The following C1orf87 variants were observed in gnomAD, a reference collection of about 807,000 sequenced individuals.
C1orf87 encodes the protein chromosome 1 open reading frame 87, also known as uncharacterized protein C1orf87.
Under a neutral mutation model 60.5 loss-of-function variants are expected in C1orf87, and 58 were observed. That is an observed-to-expected ratio of 0.96 (90% CI 0.78 to 1.19). C1orf87 has a LOEUF of 1.19. C1orf87 is among the 50% of genes most tolerant of loss of function. The probability of loss-of-function intolerance (pLI) is 0.00; values close to 1 mark genes in which losing one functional copy is unlikely to be tolerated. For synonymous variants in C1orf87, 236 were observed against 227.4 expected, an observed-to-expected ratio of 1.04 and a Z score of -0.34; for missense variants, 673 against 638.6, an observed-to-expected ratio of 1.05 and a Z score of -0.58.
At chr1:60,028,141 A>G (rs1439892810) in intron 7 of C1orf87, among the ~76,000 whole-genome samples, 1 of 152,210 alleles carries the variant, frequency 6.6e-6, no homozygotes, top group African/African-American at 2.4e-5. Context: ...ATAAAGTTCA[A>G]GAGTCAGAGA....
chr1:60,031,702 C>A (rs1186594643), intron 7 of C1orf87, among the ~76,000 whole-genome samples: 1 of 152,052 alleles, frequency 6.6e-6, no homozygotes, highest in African/African-American at 2.4e-5. Flanking sequence ...CCCAGATTTG[C>A]CAGTGGAAAA....
chr1:60,004,251 T>G (rs2100247278), intron 9 of C1orf87, among the ~76,000 whole-genome samples: 1 of 152,128 alleles, frequency 6.6e-6, no homozygotes, highest in Non-Finnish European at 1.5e-5. Flanking sequence ...CTTTCATTTG[T>G]GAAATTACAG....
intron 9 of C1orf87, among the ~76,000 whole-genome samples, chr1:60,007,936 G>A (rs1468970116): frequency 6.6e-6 from 1 of 151,930 alleles, no homozygotes; most frequent in Non-Finnish European, 1.5e-5. Flanking sequence ...CACCCATAAG[G>A]AGTATCTTTT....
Position 59,990,422 on chromosome 1 carries a change from A to C in C1orf87, c.*251T>G. ...TATTAATAATAAGTTTTATTAAAAC[A>C]GAAGGAGATTCTAAGTAGCTGGGTT... On this transcript the variant is annotated 3_prime_UTR_variant, in exon 12 of 12. Coordinates refer to ENST00000371201, the MANE Select transcript of C1orf87 (RefSeq NM_152377.3). 1 of 287,114 alleles carries C rather than the reference A, an allele frequency of 3.5e-6. No homozygotes were observed. The highest frequency in any genetic ancestry group is 6.4e-6 in the Non-Finnish European group (1 of 156,246). The allele number at this position is 287,114 out of a possible 1,614,324, so 17.8% of individuals were successfully genotyped here.
intron 7 of C1orf87, among the ~76,000 whole-genome samples, chr1:60,026,112 C>A (rs1645196645): frequency 6.6e-6 from 1 of 152,014 alleles, no homozygotes; most frequent in African/African-American, 2.4e-5. Flanking sequence ...TAGTACAAAC[C>A]AGTTCAGTTC....
intron 11 of C1orf87, among the ~76,000 whole-genome samples, chr1:59,997,315 G>T (rs1368449856): frequency 6.6e-6 from 1 of 152,148 alleles, no homozygotes; most frequent in Non-Finnish European, 1.5e-5. Flanking sequence ...CCTCTTATCA[G>T]TGGGGTATCT....
intron 11 of C1orf87, among the ~76,000 whole-genome samples, chr1:59,993,148 G>C (rs1230207623): frequency 6.6e-6 from 1 of 152,190 alleles, no homozygotes; most frequent in East Asian, 1.9e-4. Context: ...TTGAGCCTGG[G>C]AGGTCGAGGC....
intron 10 of C1orf87, 63 bp from the exon 11 acceptor site, chr1:59,997,879 C>T (rs187377929): frequency 6.6e-7 from 1 of 1,510,438 alleles, no homozygotes; most frequent in African/African-American, 1.4e-5. Context: ...AATCTCTTGG[C>T]CAAAGATGAG....
intron 11 of C1orf87, among the ~76,000 whole-genome samples, chr1:59,992,134 G>A (rs183669579): frequency 4.1e-4 from 62 of 152,158 alleles, no homozygotes; most frequent in African/African-American, 1.5e-3. Flanking sequence ...CAAAACTAAA[G>A]CCTAGAGACT....
chr1:60,053,930 T>A (rs1411876939), intron 3 of C1orf87, among the ~76,000 whole-genome samples: 1 of 152,196 alleles, frequency 6.6e-6, no homozygotes, highest in Non-Finnish European at 1.5e-5. Context: ...CTCACAGGGT[T>A]AATTTCAAAG....
At chr1:60,073,329 C>T (rs1489332845) in intron 1 of C1orf87, among the ~76,000 whole-genome samples, 1 of 152,186 alleles carries the variant, frequency 6.6e-6, no homozygotes, top group Non-Finnish European at 1.5e-5. Flanking sequence ...CACAGCTGAA[C>T]ACTCCCTTTT....
At chr1:60,022,977 G>A (rs970973026) in intron 8 of C1orf87, among the ~76,000 whole-genome samples, 3 of 152,082 alleles carry the variant, frequency 2.0e-5, no homozygotes, top group Non-Finnish European at 4.4e-5. Flanking sequence ...AACGGTGCAC[G>A]ACTTAAAACT....
In C1orf87 at chr1:60,055,346, A is replaced by G; in HGVS notation, c.200T>C (p.Val67Ala). The part of the protein sequence containing the change: ...NARQMSRDTP[V>A]PINFTDQQTT... ...TTGCTGATCAGTGAAGTTAATGGGAACTGGGGTGTCTCTGCTCATCTGCCT... is the reference window on the plus strand; with the variant it reads ...TTGCTGATCAGTGAAGTTAATGGGAGCTGGGGTGTCTCTGCTCATCTGCCT... Residue 67 changes from valine to alanine, a missense_variant, in exon 3 of 12, where the codon GTT (valine) becomes GCT (alanine). Transcript: ENST00000371201. 1 of 1,614,056 alleles carries G rather than the reference A, an allele frequency of 6.2e-7. No homozygotes were observed. The highest frequency in any genetic ancestry group is 1.1e-5 in the South Asian group (1 of 91,070).
chr1:60,050,984 C>T (rs185060819), intron 3 of C1orf87, among the ~76,000 whole-genome samples: 4 of 152,220 alleles, frequency 2.6e-5, no homozygotes, highest in Non-Finnish European at 4.4e-5. Context: ...GATAATGCTT[C>T]TTGATAGAGC....
chr1:60,069,918 A>C (rs115559188), intron 2 of C1orf87, among the ~76,000 whole-genome samples: 1,593 of 152,310 alleles, frequency 0.01, 43 homozygotes, highest in African/African-American at 0.036. Context: ...TGATGTCTTT[A>C]TAAAAAGGGG....
At chr1:60,050,857 A>C (rs1352729547) in intron 3 of C1orf87, among the ~76,000 whole-genome samples, 1 of 152,166 alleles carries the variant, frequency 6.6e-6, no homozygotes, top group African/African-American at 2.4e-5. Context: ...TTGTGGAAGG[A>C]GACAGATAAG....
At chr1:60,012,403 A>AT (rs1174002437) in intron 8 of C1orf87, among the ~76,000 whole-genome samples, 4 of 152,182 alleles carry the variant, frequency 2.6e-5, no homozygotes, top group East Asian at 1.9e-4. Context: ...ATTGAGGGAA[A>AT]TTTTTTTAAC....
intron 2 of C1orf87, among the ~76,000 whole-genome samples, chr1:60,064,641 ATATATT>A (rs1645524053): frequency 1.3e-5 from 1 of 78,238 alleles, no homozygotes; most frequent in Non-Finnish European, 2.4e-5. Context: ...AATATATATG[ATATATT>A]TTATATATTA....
At chr1:60,028,769 A>G (rs1645216569) in intron 7 of C1orf87, among the ~76,000 whole-genome samples, 1 of 152,050 alleles carries the variant, frequency 6.6e-6, no homozygotes, top group South Asian at 2.1e-4. Context: ...AATCCTATTT[A>G]TAGATGATCT....
Sources: allele counts gnomAD v4.1 joint callset (sites outside exome capture counted in the v4.1 genomes callset), GRCh38; gene constraint gnomAD v4.1.1; transcripts MANE v1.5; gene names NCBI Gene and HGNC (gene_info 2026-07-23, HGNC 2026-07-21).